The following WDR89 variants were observed in gnomAD, a reference collection of about 807,000 sequenced individuals.
WDR89 encodes the protein WD repeat domain 89.
A neutral mutation model predicts 29.1 loss-of-function variants in WDR89; 17 were observed. The observed-to-expected ratio is 0.58, with a 90% CI of 0.40 to 0.88. WDR89 has a LOEUF of 0.88. WDR89 is among the 40% of genes least tolerant of loss of function. The pLI, the probability that WDR89 is intolerant of heterozygous loss-of-function variation, is 0.00. For synonymous variants in WDR89, 138 were observed against 157.8 expected, an observed-to-expected ratio of 0.87 and a Z score of 0.94; for missense variants, 396 against 456.3, an observed-to-expected ratio of 0.87 and a Z score of 1.20.
At chr14:63,635,729 G>C (rs1457636876) in intron 1 of WDR89, among the ~76,000 whole-genome samples, 1 of 152,156 alleles carries the variant, frequency 6.6e-6, no homozygotes, top group African/African-American at 2.4e-5. Context: ...CTTGAAAACT[G>C]TAAGGACTCC....
chr14:63,602,462 C>CAAA (rs58161137), intron 2 of WDR89, among the ~76,000 whole-genome samples: 152 of 35,342 alleles, frequency 4.3e-3, no homozygotes, highest in Non-Finnish European at 6.3e-3. Flanking sequence ...GATTCCTACT[C>CAAA]AAAAAAAAAA....
intron 2 of WDR89, among the ~76,000 whole-genome samples, chr14:63,614,308 T>G (rs1882171284): frequency 6.6e-6 from 1 of 151,488 alleles, no homozygotes. Context: ...CTTTTCTTTT[T>G]TTCTTTTTTT....
intron 2 of WDR89, among the ~76,000 whole-genome samples, chr14:63,618,555 A>G (rs1199374861): frequency 6.6e-6 from 1 of 152,202 alleles, no homozygotes; most frequent in African/African-American, 2.4e-5. Flanking sequence ...AGAAGAGCTA[A>G]AAGATATGGT....
At chr14:63,624,497 C>T (rs1411635274) in intron 2 of WDR89, among the ~76,000 whole-genome samples, 1 of 136,720 alleles carries the variant, frequency 7.3e-6, no homozygotes, top group African/African-American at 3.0e-5. Context: ...AAACAAAAAA[C>T]AAAAAGAAAT....
intron 1 of WDR89, among the ~76,000 whole-genome samples, chr14:63,635,793 G>T (rs1883696236): frequency 6.6e-6 from 1 of 152,196 alleles, no homozygotes; most frequent in South Asian, 2.1e-4. Flanking sequence ...TTGGATACAA[G>T]ATTAATGTAC....
chr14:63,598,260 ATCATT>A lies in WDR89; in HGVS notation c.*514_*518del, dbSNP rs1047957740. On this transcript the variant is annotated 3_prime_UTR_variant, in exon 3 of 3. Transcript: ENST00000620954. ...TTTTTCTCACTTTACATAGATGCCT[ATCATT>A]TCATTTGTAAAAAAGGTTAATTCTA... 6.6e-6 allele frequency: 1 copy of A among 152,268 alleles called. No homozygotes were observed. The highest frequency in any genetic ancestry group is 2.4e-5 in the African/African-American group (1 of 41,478). 9.4% of individuals were successfully genotyped at this position (152,268 alleles called of 1,614,324 possible). A position where few individuals can be genotyped will look rare whatever the true frequency, so the allele number is the denominator to read the frequency against.
chr14:63,610,745 C>T lies in WDR89; in HGVS notation c.-31-10772G>A, dbSNP rs527247211. On this transcript the variant is annotated intron_variant, in intron 2 of 2. Coordinates refer to ENST00000620954, the MANE Select transcript of WDR89 (RefSeq NM_080666.4). ...TGAGAGGGAGTCTCACTCTGTCACC[C>T]AGGCTGGAGTGCAGTGGTGCAATCT... Among the ~76,000 whole-genome samples, 14 of 149,642 alleles carry T rather than the reference C, an allele frequency of 9.4e-5. No individual in the cohort carries two copies. The East Asian group carries it at 2.7e-3, about 29-fold the overall frequency.
chr14:63,606,089 A>G (rs932971731), intron 2 of WDR89, among the ~76,000 whole-genome samples: 15 of 151,564 alleles, frequency 9.9e-5, no homozygotes, highest in African/African-American at 3.6e-4. Flanking sequence ...TCAACCTCCC[A>G]GGCTCAGGCC....
intron 2 of WDR89, among the ~76,000 whole-genome samples, chr14:63,610,468 G>C (rs1252172439): frequency 3.9e-5 from 6 of 151,932 alleles, no homozygotes; most frequent in Non-Finnish European, 7.4e-5. Flanking sequence ...GAAGAATAGA[G>C]TACAGAAAAG....
chr14:63,610,505 G>A (rs1481168126), intron 2 of WDR89, among the ~76,000 whole-genome samples: 4 of 151,998 alleles, frequency 2.6e-5, no homozygotes, highest in African/African-American at 9.7e-5. Flanking sequence ...TAATTGTGGA[G>A]AAGCTCAGAT....
intron 2 of WDR89, among the ~76,000 whole-genome samples, chr14:63,617,245 T>A (rs957164900): frequency 6.6e-6 from 1 of 151,792 alleles, no homozygotes; most frequent in Admixed American, 6.6e-5. Flanking sequence ...TGTCTGGCTA[T>A]ATATTTTTTG....
chr14:63,600,374 T>TA (rs1385921235), intron 2 of WDR89, among the ~76,000 whole-genome samples: 2 of 152,100 alleles, frequency 1.3e-5, no homozygotes, highest in African/African-American at 4.8e-5. Context: ...CCTATGCCTG[T>TA]AGTCCTAGCT....
chr14:63,613,307 T>C (rs568399642), intron 2 of WDR89, among the ~76,000 whole-genome samples: 1 of 150,866 alleles, frequency 6.6e-6, no homozygotes, highest in African/African-American at 2.5e-5. Context: ...CTGTAACTTC[T>C]TAGGGGACAA....
At chr14:63,638,210 G>A (rs1416070433) in intron 1 of WDR89, among the ~76,000 whole-genome samples, 1 of 152,096 alleles carries the variant, frequency 6.6e-6, no homozygotes, top group East Asian at 1.9e-4. Context: ...CTCCCAAAGT[G>A]CTGGGATTAC....
intron 2 of WDR89, among the ~76,000 whole-genome samples, chr14:63,613,821 CTTTTTTTTT>C (rs751893850): frequency 8.3e-6 from 1 of 121,068 alleles, no homozygotes; most frequent in Non-Finnish European, 1.8e-5. Flanking sequence ...TTTTAAACAT[CTTTTTTTTT>C]TTTTTTTTTT....
rs1212953012 is a variant in WDR89 at position 63,610,816 on chromosome 14, C to T, written c.-31-10843G>A. Among the ~76,000 whole-genome samples the T allele has an allele frequency of 2.6e-5, 4 of 151,512 alleles. No homozygotes were observed. The East Asian group carries it at 5.8e-4, about 22-fold the overall frequency. On this transcript the variant is annotated intron_variant, in intron 2 of 2. Transcript: ENST00000620954. ...CTCCTGGTTCAATCAATTCTCTTGC[C>T]TTAGCCTCCTGAGTAGCTAAGATTA...
At chr14:63,628,380 T>A (rs1437127299) in intron 1 of WDR89, among the ~76,000 whole-genome samples, 1 of 152,270 alleles carries the variant, frequency 6.6e-6, no homozygotes, top group Non-Finnish European at 1.5e-5. Context: ...TGACTGTTAT[T>A]CTTAGGCTGC....
At chr14:63,626,030 C>T (rs540676393) in intron 1 of WDR89, among the ~76,000 whole-genome samples, 217 of 151,822 alleles carry the variant, frequency 1.4e-3, no homozygotes, top group African/African-American at 4.6e-3. Context: ...ATTTTTGTAT[C>T]TTTAGTAGAG....
Position 63,599,965 on chromosome 14 carries a change from A to G in WDR89, c.-23T>C. On this transcript the variant is annotated 5_prime_UTR_variant, in exon 3 of 3. Transcript: ENST00000620954. ...CATGTCAACAGCAGCATCCAAGGGT[A>G]GTAAAACTCTGTAAAAAATAATAAT... 2 of 1,431,238 alleles carry G rather than the reference A, an allele frequency of 1.4e-6. No individual in the cohort carries two copies. Among genetic ancestry groups the G allele is most frequent in the East Asian group, 2.4e-5 (1 of 40,912 alleles). 88.7% of individuals were successfully genotyped at this position (1,431,238 alleles called of 1,614,324 possible).
Sources: allele counts gnomAD v4.1 joint callset (sites outside exome capture counted in the v4.1 genomes callset), GRCh38; gene constraint gnomAD v4.1.1; transcripts MANE v1.5; gene names NCBI Gene and HGNC (gene_info 2026-07-23, HGNC 2026-07-21).